TMTC2: variants seen among roughly 807,000 people sequenced by gnomAD.
The protein encoded by TMTC2 is transmembrane O-mannosyltransferase targeting cadherins 2, also known as protein O-mannosyl-transferase TMTC2.
TMTC2 carries 43 observed loss-of-function variants against 82.4 expected under a neutral mutation model. That is an observed-to-expected ratio of 0.52 (90% CI 0.41 to 0.67). TMTC2 has a LOEUF of 0.67. TMTC2 is among the 30% of genes least tolerant of loss of function. The probability of loss-of-function intolerance (pLI) is 0.00; values close to 1 mark genes in which losing one functional copy is unlikely to be tolerated. For missense variants in TMTC2, 919 were observed against 1,012.4 expected, an observed-to-expected ratio of 0.91 and a Z score of 1.25; for synonymous variants, 408 against 381.9, an observed-to-expected ratio of 1.07 and a Z score of -0.80.
intron 1 of TMTC2, among the ~76,000 whole-genome samples, chr12:82,781,310 G>A (rs1342007087): frequency 6.6e-6 from 1 of 151,718 alleles, no homozygotes; most frequent in African/African-American, 2.4e-5. Flanking sequence ...TTTATTGCTA[G>A]GAGAATGGAA....
chr12:82,988,805 C>T (rs1188815082), intron 8 of TMTC2, among the ~76,000 whole-genome samples: 2 of 148,894 alleles, frequency 1.3e-5, no homozygotes, highest in African/African-American at 5.0e-5. Flanking sequence ...TTAGAGGTCC[C>T]CTGTAAATGA....
Position 82,687,662 on chromosome 12 carries a change from G to T in TMTC2, c.76G>T (p.Asp26Tyr). ...LNTLSADFCY[D>Y]DSRAIKTNQD... Reference sequence around the variant, plus strand: ...CACCCTGAGTGCGGATTTCTGCTATGATGACAGGTAAGGGGCCGAGAGGAG... The same window carrying T: ...CACCCTGAGTGCGGATTTCTGCTATTATGACAGGTAAGGGGCCGAGAGGAG... The change falls in exon 1 of 12, where the codon GAT becomes TAT. Residue 26 changes from aspartate to tyrosine, a missense_variant. Transcript: ENST00000321196. 6.2e-7 allele frequency: 1 copy of T among 1,604,120 alleles called. No homozygotes were observed. The highest frequency in any genetic ancestry group is 8.5e-7 in the Non-Finnish European group (1 of 1,176,610).
intron 1 of TMTC2, among the ~76,000 whole-genome samples, chr12:82,752,492 A>G (rs567773296): frequency 1.2e-4 from 19 of 152,136 alleles, no homozygotes; most frequent in African/African-American, 4.6e-4. Context: ...TCTCAAAAAC[A>G]AAACAAAACA....
chr12:82,940,014 C>CTTTTTTTTTT (rs71309537), intron 4 of TMTC2, among the ~76,000 whole-genome samples: 62 of 91,268 alleles, frequency 6.8e-4, no homozygotes, highest in East Asian at 1.2e-3. Context: ...TCTTTCTTTA[C>CTTTTTTTTTT]TTTTTTTTTT....
chr12:83,132,537 T>A lies in TMTC2; in HGVS notation c.*148T>A. The A allele has an allele frequency of 2.3e-6, 2 of 877,974 alleles. No individual in the cohort carries two copies. The highest frequency in any genetic ancestry group is 3.8e-5 in the South Asian group (2 of 52,724). 54.4% of individuals were successfully genotyped at this position (877,974 alleles called of 1,614,324 possible). A position where few individuals can be genotyped will look rare whatever the true frequency, so the allele number is the denominator to read the frequency against. On this transcript the variant is annotated 3_prime_UTR_variant, in exon 12 of 12. Coordinates refer to ENST00000321196, the MANE Select transcript of TMTC2 (RefSeq NM_152588.3). ...GAGGTCACTACCGCTTCTGGAAGAATCCACTTTGCTGTAGGCACAGCTGTT... is the reference window on the plus strand; with the variant it reads ...GAGGTCACTACCGCTTCTGGAAGAAACCACTTTGCTGTAGGCACAGCTGTT...
Position 82,969,998 on chromosome 12 carries a change from G to C in TMTC2, c.1948+3001G>C, listed in dbSNP as rs534075525. Among the ~76,000 whole-genome samples, 23 of 152,292 alleles carry C rather than the reference G, an allele frequency of 1.5e-4. No individual in the cohort carries two copies. In the Middle Eastern group the frequency reaches 0.01, roughly 68 times the overall value. ...ATTAAGAGAACAAATCACAAAATAT[G>C]TGTTAAATTGCTCCTAGCCAGTTGT... On this transcript the variant is annotated intron_variant, in intron 7 of 11. Coordinates refer to ENST00000321196, the MANE Select transcript of TMTC2 (RefSeq NM_152588.3).
chr12:82,963,693 G>T (rs894354866), intron 4 of TMTC2, among the ~76,000 whole-genome samples: 2 of 148,110 alleles, frequency 1.4e-5, no homozygotes, highest in African/African-American at 4.9e-5. Context: ...CTTAACTACT[G>T]CAGGAAGCTT....
chr12:82,811,814 T>C, intron 1 of TMTC2, among the ~76,000 whole-genome samples: 1 of 119,926 alleles, frequency 8.3e-6, no homozygotes, highest in African/African-American at 3.2e-5. Flanking sequence ...CTTCTTTTTT[T>C]TTTTTTTTTT....
intron 1 of TMTC2, among the ~76,000 whole-genome samples, chr12:82,835,806 T>C (rs961272655): frequency 1.3e-5 from 2 of 152,154 alleles, no homozygotes; most frequent in Admixed American, 1.3e-4. Context: ...CCCTTGAGAC[T>C]TCCCTCTTCC....
intron 7 of TMTC2, among the ~76,000 whole-genome samples, chr12:82,984,607 A>T (rs1302898521): frequency 6.6e-6 from 1 of 152,212 alleles, no homozygotes; most frequent in Non-Finnish European, 1.5e-5. Flanking sequence ...TTATGCTTAT[A>T]TATAAAGGTC....
chr12:82,892,064 TTAAAAA>T (rs1391154629), intron 2 of TMTC2, among the ~76,000 whole-genome samples: 1 of 152,164 alleles, frequency 6.6e-6, no homozygotes, highest in Non-Finnish European at 1.5e-5. Context: ...AGACCCTGTC[TTAAAAA>T]TAAATAAATA....
At chr12:82,926,021 C>T (rs113773159) in intron 3 of TMTC2, among the ~76,000 whole-genome samples, 5,998 of 147,240 alleles carry the variant, frequency 0.041, 177 homozygotes, top group African/African-American at 0.083. Context: ...CTCACTCTGT[C>T]GCCAGGCTAG....
rs149853362 is a variant in TMTC2, at chr12:83,055,791, C to T, written c.2267+4773C>T. 1.2e-3 allele frequency among the ~76,000 whole-genome samples: 175 copies of T among 151,794 alleles called. 1 individual carries two copies. Among genetic ancestry groups the T allele is most frequent in the African/African-American group, 3.8e-3 (156 of 41,444 alleles). On this transcript the variant is annotated intron_variant, in intron 10 of 11. Coordinates refer to ENST00000321196, the MANE Select transcript of TMTC2 (RefSeq NM_152588.3). ...GGGATAAAAGTAGCATTTGTTCAAA[C>T]ATCTTCTGTCTGCCTGGCACTATAC...
chr12:83,110,508 T>A (rs535543072), intron 11 of TMTC2, among the ~76,000 whole-genome samples: 3 of 151,932 alleles, frequency 2.0e-5, no homozygotes, highest in Non-Finnish European at 4.4e-5. Flanking sequence ...AGATATGTTA[T>A]GTCACCAAAA....
intron 8 of TMTC2, among the ~76,000 whole-genome samples, chr12:83,017,901 A>G (rs1201593358): frequency 6.6e-6 from 1 of 150,752 alleles, no homozygotes; most frequent in Non-Finnish European, 1.5e-5. Flanking sequence ...CTTAGGTTTC[A>G]GTTATTAAAT....
At chr12:82,762,512 T>G (rs1876709240) in intron 1 of TMTC2, among the ~76,000 whole-genome samples, 2 of 152,204 alleles carry the variant, frequency 1.3e-5, no homozygotes, top group African/African-American at 4.8e-5. Flanking sequence ...ACCTCCCTGT[T>G]ATTCAAGTTA....
intron 10 of TMTC2, among the ~76,000 whole-genome samples, chr12:83,060,058 C>A (rs1882684884): frequency 6.6e-6 from 1 of 151,504 alleles, no homozygotes; most frequent in Non-Finnish European, 1.5e-5. Context: ...TTATTAAATA[C>A]CCTAGTGAGG....
intron 1 of TMTC2, among the ~76,000 whole-genome samples, chr12:82,731,380 T>C (rs1266884061): frequency 6.6e-6 from 1 of 152,340 alleles, no homozygotes; most frequent in South Asian, 2.1e-4. Context: ...TTCTCATCTT[T>C]TAAAGAAAGA....
chr12:82,812,863 T>C lies in TMTC2; in HGVS notation c.84-44147T>C, dbSNP rs1386383599. 9.2e-5 allele frequency among the ~76,000 whole-genome samples: 14 copies of C among 152,158 alleles called. No individual in the cohort carries two copies. The East Asian group carries it at 2.7e-3, about 29-fold the overall frequency. On this transcript the variant is annotated intron_variant, in intron 1 of 11. Coordinates refer to ENST00000321196, the MANE Select transcript of TMTC2 (RefSeq NM_152588.3). ...TGATTTGTAGGATTAAAAACAAATT[T>C]TTAAAAATCATAAAATCACTTAGAA...
Sources: allele counts gnomAD v4.1 joint callset (sites outside exome capture counted in the v4.1 genomes callset), GRCh38; gene constraint gnomAD v4.1.1; transcripts MANE v1.5; gene names NCBI Gene and HGNC (gene_info 2026-07-23, HGNC 2026-07-21).